The following PRKAB2 variants were observed in gnomAD, a reference collection of about 807,000 sequenced individuals.
PRKAB2 encodes protein kinase AMP-activated non-catalytic subunit beta 2, also known as 5'-AMP-activated protein kinase subunit beta-2.
PRKAB2 carries 18 observed loss-of-function variants against 29.8 expected under a neutral mutation model. The ratio of observed to expected loss-of-function variants is 0.60; its 90% CI spans 0.42 to 0.89. PRKAB2 has a LOEUF of 0.89. Among genes scored for constraint, PRKAB2 ranks in the 40% least tolerant of loss-of-function variants. PRKAB2 has a pLI of 0.00. For synonymous variants in PRKAB2, 136 were observed against 125.9 expected (o/e 1.08, Z -0.54); for missense variants, 270 against 344.3 (o/e 0.78, Z 1.71).
chr1:147,164,961 A>G, intron 5 of PRKAB2, among the ~76,000 whole-genome samples: 1 of 152,230 alleles, frequency 6.6e-6, no homozygotes, highest in East Asian at 1.9e-4. Flanking sequence ...CCACCAGTCA[A>G]AAATAATGCC....
intron 2 of PRKAB2, among the ~76,000 whole-genome samples, chr1:147,168,215 A>G (rs1306716096): frequency 2.0e-5 from 3 of 152,182 alleles, no homozygotes; most frequent in African/African-American, 7.2e-5. Context: ...TCCCTTAAAA[A>G]AAAAAGAAAA....
intron 2 of PRKAB2, among the ~76,000 whole-genome samples, chr1:147,169,773 C>T (rs72706497): frequency 0.051 from 7,789 of 152,154 alleles, 350 homozygotes; most frequent in African/African-American, 0.11. Flanking sequence ...TATACTGTTT[C>T]CCCCTACTTT....
rs1653854286 is a variant in PRKAB2, at chr1:147,159,646, C to A, written c.742-4G>T. The stretch of plus-strand genomic sequence containing the variant: ...CGCTAAGGACCATCACACTGTCCTG[C>A]AAGGAAAAGAAACATACGCAGCTAA... On this transcript the variant is annotated splice_polypyrimidine_tract_variant and splice_region_variant and intron_variant, in intron 7 of 7. Transcript: ENST00000254101. The A allele has an allele frequency of 6.2e-7, 1 of 1,612,932 alleles. No homozygotes were observed. Among genetic ancestry groups the A allele is most frequent in the Non-Finnish European group, 8.5e-7 (1 of 1,179,270 alleles).
rs782614638 is a variant in PRKAB2, at chr1:147,155,239, C to G, written c.*4326G>C. The G allele has an allele frequency of 1.3e-5, 2 of 151,498 alleles. 1 individual carries two copies. The highest frequency in any genetic ancestry group is 6.4e-3 in the Middle Eastern group (2 of 314). 9.4% of individuals were successfully genotyped at this position (151,498 alleles called of 1,614,324 possible). ...ACGTTTGAAGAACAGCTTTAAAATC[C>G]ACTCTTGTCTGCCACTCCTTTATGA... is the stretch of plus-strand genomic sequence containing the variant. On this transcript the variant is annotated 3_prime_UTR_variant, in exon 8 of 8. Transcript: ENST00000254101.
At chr1:147,167,414 A>C (rs1433016105) in intron 3 of PRKAB2, among the ~76,000 whole-genome samples, 1 of 152,204 alleles carries the variant, frequency 6.6e-6, no homozygotes, top group Non-Finnish European at 1.5e-5. Flanking sequence ...ATGACTACCT[A>C]AAAATTCAAA....
chr1:147,167,060 C>T (rs587679248), intron 3 of PRKAB2, 121 bp from the exon 4 acceptor site: 3 of 802,288 alleles, frequency 3.7e-6, no homozygotes, highest in Non-Finnish European at 6.1e-6. Context: ...CATTGTATCC[C>T]CTGGTGTAAA....
At chr1:147,170,731 C>A (rs1359654731) in intron 2 of PRKAB2, among the ~76,000 whole-genome samples, 1 of 152,102 alleles carries the variant, frequency 6.6e-6, no homozygotes, top group African/African-American at 2.4e-5. Context: ...AGGCATGCAC[C>A]AGCATGCCCG....
At chr1:147,160,317 C>A (rs1653893815) in intron 7 of PRKAB2, among the ~76,000 whole-genome samples, 2 of 152,106 alleles carry the variant, frequency 1.3e-5, no homozygotes, top group South Asian at 4.1e-4. Flanking sequence ...GGGTCAGAAC[C>A]AAGCTAAGCC....
intron 2 of PRKAB2, among the ~76,000 whole-genome samples, chr1:147,168,667 G>A (rs1654368738): frequency 6.6e-6 from 1 of 152,178 alleles, no homozygotes; most frequent in African/African-American, 2.4e-5. Flanking sequence ...AGGTTTATGG[G>A]ATTGTAAAAA....
At chr1:147,169,562 T>C (rs1334288577) in intron 2 of PRKAB2, among the ~76,000 whole-genome samples, 2 of 152,210 alleles carry the variant, frequency 1.3e-5, no homozygotes, top group Non-Finnish European at 2.9e-5. Flanking sequence ...TATACCGTGA[T>C]TATGTTAAAA....
intron 3 of PRKAB2, among the ~76,000 whole-genome samples, chr1:147,167,201 T>A (rs757580415): frequency 2.0e-5 from 3 of 152,210 alleles, no homozygotes; most frequent in Non-Finnish European, 4.4e-5. Flanking sequence ...CTCAAATGGT[T>A]CACCTTAGTA....
At chr1:147,171,040 C>G (rs1654525550) in intron 2 of PRKAB2, among the ~76,000 whole-genome samples, 1 of 152,240 alleles carries the variant, frequency 6.6e-6, no homozygotes, top group Non-Finnish European at 1.5e-5. Flanking sequence ...CGAATCTCCT[C>G]AAGCCCTCCA....
chr1:147,167,725 C>T lies in PRKAB2; in HGVS notation c.323+42G>A, dbSNP rs1553913849. 1.9e-6 allele frequency: 3 copies of T among 1,582,860 alleles called. No individual in the cohort carries two copies. In the Admixed American group the frequency reaches 5.4e-5, roughly 28 times the overall value. On this transcript the variant is annotated intron_variant, in intron 3 of 7. Transcript: ENST00000254101. The stretch of plus-strand genomic sequence containing the variant: ...TCTCTTCTGAGAAAAGAAATCAGGT[C>T]TCTATTCCTGGACCCTTAGATTCAA...
intron 1 of PRKAB2, 67 bp from the exon 2 acceptor site, chr1:147,172,234 C>G: frequency 2.8e-6 from 4 of 1,432,924 alleles, no homozygotes; most frequent in Non-Finnish European, 3.7e-6. Flanking sequence ...CCCCCGGCCC[C>G]GCCCCTGCGC....
Position 147,168,866 on chromosome 1 carries a change from T to TAATC in PRKAB2, c.157-937_157-934dup, listed in dbSNP as rs1654379933. ...CCAGGCTGGAATGCAGTGAGTGGTG[T>TAATC]AATCATAGCTCACTGCAGCCTCGAA... On this transcript the variant is annotated intron_variant, in intron 2 of 7. Coordinates refer to ENST00000254101, the MANE Select transcript of PRKAB2 (RefSeq NM_005399.5). Among the ~76,000 whole-genome samples the TAATC allele has an allele frequency of 3.3e-5, 5 of 152,322 alleles. No individual in the cohort carries two copies. In the South Asian group the frequency reaches 1.0e-3, roughly 32 times the overall value.
intron 7 of PRKAB2, among the ~76,000 whole-genome samples, chr1:147,161,462 T>C (rs1221281446): frequency 6.6e-6 from 1 of 152,120 alleles, no homozygotes; most frequent in Admixed American, 6.5e-5. Context: ...GTAAAGATTC[T>C]AGTCACCCAA....
At chr1:147,169,528 A>C (rs1249400026) in intron 2 of PRKAB2, among the ~76,000 whole-genome samples, 3 of 152,226 alleles carry the variant, frequency 2.0e-5, no homozygotes, top group Non-Finnish European at 4.4e-5. Context: ...TTATGTTAAA[A>C]TAAAGGAAAA....
chr1:147,166,471 AAG>A (rs1553913715), intron 5 of PRKAB2, 25 bp downstream of exon 5: 1 of 1,608,520 alleles, frequency 6.2e-7, no homozygotes, highest in South Asian at 1.1e-5. Context: ...AAGACACAGC[AAG>A]AGAGAGTAAA....
At chr1:147,166,817 A>G (rs1450316805) in intron 4 of PRKAB2, 29 bp downstream of exon 4, 2 of 1,600,068 alleles carry the variant, frequency 1.2e-6, no homozygotes, top group African/African-American at 1.3e-5. Flanking sequence ...TGCTAAGTCA[A>G]TGGTTACCCT....
Sources: gnomAD v4.1 joint callset for allele counts (sites outside exome capture counted in the v4.1 genomes callset) on GRCh38, gnomAD v4.1.1 for gene constraint, MANE v1.5 for transcripts, NCBI Gene and HGNC (gene_info 2026-07-23, HGNC 2026-07-21) for gene names.